PLOD1: variants seen among roughly 807,000 people sequenced by gnomAD.
PLOD1 encodes lysine hydroxylase.
In PLOD1, 70 loss-of-function variants were observed where a neutral mutation model predicts 94.7. The observed-to-expected ratio is 0.74, with a 90% CI of 0.61 to 0.90. The LOEUF (loss-of-function observed/expected upper bound fraction) is 0.90, where lower values mean the gene tolerates loss of function less well. Among genes scored for constraint, PLOD1 ranks in the 40% least tolerant of loss-of-function variants. The pLI is 0.00. For synonymous variants in PLOD1, 417 were observed against 400.2 expected, an observed-to-expected ratio of 1.04 and a Z score of -0.50; for missense variants, 905 against 972.7, an observed-to-expected ratio of 0.93 and a Z score of 0.93.
At chr1:11,954,198 G>A (rs1483087088) in intron 5 of PLOD1, 5 of 149,132 alleles carry the variant, frequency 3.4e-5, no homozygotes, top group Non-Finnish European at 5.8e-5. Context: ...GGCCAGGTGC[G>A]GTGGCTCACA....
At chr1:11,949,022 T>TG (rs764467965) in intron 2 of PLOD1, among the ~76,000 whole-genome samples, 4 of 152,194 alleles carry the variant, frequency 2.6e-5, no homozygotes, top group African/African-American at 7.2e-5. Context: ...GCTTCAGGCA[T>TG]GGCTGGATCC....
chr1:11,957,164 A>T lies in PLOD1; in HGVS notation c.741+150A>T, dbSNP rs1325961345. The T allele has an allele frequency of 9.1e-6, 7 of 767,810 alleles. No individual in the cohort carries two copies. Among genetic ancestry groups the T allele is most frequent in the Non-Finnish European group, 1.7e-5 (7 of 411,162 alleles). The allele number at this position is 767,810 out of a possible 1,614,324, so 47.6% of individuals were successfully genotyped here. On this transcript the variant is annotated intron_variant, in intron 7 of 18. Coordinates refer to ENST00000196061, the MANE Select transcript of PLOD1 (RefSeq NM_000302.4). The surrounding 1 kb of genome is among the most constrained non-coding windows in gnomAD (Gnocchi z 4.1). ...TGCCTCTGTCCTCACATCTGAGCTC[A>T]GCGTGATGCCTTCTTTTCCTGCTGT...
intron 5 of PLOD1, among the ~76,000 whole-genome samples, chr1:11,953,137 C>T (rs1452314880): frequency 6.6e-6 from 1 of 152,010 alleles, no homozygotes; most frequent in Non-Finnish European, 1.5e-5. Context: ...CTCACTACAG[C>T]CTCTACCTCC....
rs563861250 is a variant in PLOD1, at chr1:11,956,910, C to T, written c.644-7C>T. 1.2e-6 allele frequency: 2 copies of T among 1,603,258 alleles called. No homozygotes were observed. Among genetic ancestry groups the T allele is most frequent in the African/African-American group, 1.3e-5 (1 of 74,800 alleles). On this transcript the variant is annotated splice_polypyrimidine_tract_variant and splice_region_variant and intron_variant, in intron 6 of 18. Coordinates refer to ENST00000196061, the MANE Select transcript of PLOD1 (RefSeq NM_000302.4). ...TGCTGGGTGGGACTGTGCTTTCTGA[C>T]CCCCAGATGAGGTCGTGCTCAAGTT... is the stretch of plus-strand genomic sequence containing the variant.
intron 3 of PLOD1, among the ~76,000 whole-genome samples, 166 bp from the exon 4 acceptor site, chr1:11,950,191 G>A (rs1645689313): frequency 6.6e-6 from 1 of 152,208 alleles, no homozygotes; most frequent in Non-Finnish European, 1.5e-5. Context: ...AACATGGCAG[G>A]CAGGGCTGCA....
chr1:11,974,258 G>A (rs776595759), intron 18 of PLOD1, among the ~76,000 whole-genome samples: 13 of 151,800 alleles, frequency 8.6e-5, no homozygotes, highest in Non-Finnish European at 1.3e-4. Flanking sequence ...ACAGTGGCGC[G>A]ATCTCGGCTC....
At position 11,965,563 on chromosome 1, in the gene PLOD1, C is replaced by T. The variant is rs759491848; in HGVS notation, c.1554C>T (p.Asn518=). 32 of 1,613,100 alleles carry T rather than the reference C, an allele frequency of 2.0e-5. 1 individual carries two copies. The highest frequency in any genetic ancestry group is 3.3e-4 in the Middle Eastern group (2 of 6,082). The part of the protein sequence containing the change: ...LDSYRTTHLH[N]DLWEVFSNPE... ...GCTACCGCACCACCCACCTGCACAACGACCTCTGGGAGGTGTTCAGCAACC... is the reference window on the plus strand; with the variant it reads ...GCTACCGCACCACCCACCTGCACAATGACCTCTGGGAGGTGTTCAGCAACC... The change falls in exon 14 of 19, where the codon AAC becomes AAT. Residue 518 remains asparagine (N), a synonymous_variant. Coordinates refer to ENST00000196061, the MANE Select transcript of PLOD1 (RefSeq NM_000302.4).
chr1:11,961,071 A>G (rs1199152066), intron 10 of PLOD1, among the ~76,000 whole-genome samples: 1 of 151,588 alleles, frequency 6.6e-6, no homozygotes, highest in African/African-American at 2.4e-5. Context: ...CCAACCTTGA[A>G]TGTTTTACTT....
At chr1:11,956,834 C>T in intron 6 of PLOD1, 83 bp from the exon 7 acceptor site, 1 of 861,082 alleles carries the variant, frequency 1.2e-6, no homozygotes, top group Non-Finnish European at 2.0e-6. Context: ...CACTGCACAG[C>T]TGGGATTTGA....
Position 11,963,516 on chromosome 1 carries a change from GTCC to G in PLOD1, c.1098-8_1098-6del, listed in dbSNP as rs772509221. The G allele has an allele frequency of 6.4e-6, 10 of 1,552,944 alleles. 1 individual carries two copies. The highest frequency in any genetic ancestry group is 4.7e-5 in the South Asian group (4 of 85,776). On this transcript the variant is annotated splice_polypyrimidine_tract_variant and intron_variant, in intron 10 of 18. Coordinates refer to ENST00000196061, the MANE Select transcript of PLOD1 (RefSeq NM_000302.4). The surrounding 1 kb of genome is among the most constrained non-coding windows in gnomAD (Gnocchi z 4.3). ...CCAGGATCAGGTGCACTGACCCTGT[GTCC>G]TCCTCCTTGCAGAGACCTGTGCCGG...
Position 11,974,896 on chromosome 1 carries a change from C to G in PLOD1, c.*88C>G, listed in dbSNP as rs1200888422. 23 of 1,279,754 alleles carry G rather than the reference C, an allele frequency of 1.8e-5. No homozygotes were observed. Among genetic ancestry groups the G allele is most frequent in the Non-Finnish European group, 2.6e-5 (23 of 875,488 alleles). The allele number at this position is 1,279,754 out of a possible 1,614,324, so 79.3% of individuals were successfully genotyped here. On this transcript the variant is annotated 3_prime_UTR_variant, in exon 19 of 19. Coordinates refer to ENST00000196061, the MANE Select transcript of PLOD1 (RefSeq NM_000302.4). ...TGGGACCTCGGGGTCCCAGGGAACC[C>G]AGTCCAGCCTCCTGGCTGTTGACTT... is the stretch of plus-strand genomic sequence containing the variant.
In PLOD1 at chr1:11,949,805, G is replaced by A; in HGVS notation, c.201G>A (p.Glu67=). 1 of 1,613,934 alleles carries A rather than the reference G, an allele frequency of 6.2e-7. No homozygotes were observed. The highest frequency in any genetic ancestry group is 2.2e-5 in the East Asian group (1 of 44,888). ...ALGLGEDWNV[E]KGTSAGGGQK... is the part of the protein sequence containing the mutation. The stretch of plus-strand genomic sequence containing the variant: ...GCCTAGGGGAGGACTGGAATGTGGA[G>A]AAGGGGACGTCGGCAGGTGGAGGGC... The change falls in exon 3 of 19, where the codon GAG becomes GAA. Residue 67 remains glutamate (E), a synonymous_variant. Coordinates refer to ENST00000196061, the MANE Select transcript of PLOD1 (RefSeq NM_000302.4).
intron 9 of PLOD1, 68 bp from the exon 10 acceptor site, chr1:11,960,578 A>G (rs1022711900): frequency 2.7e-6 from 3 of 1,128,862 alleles, no homozygotes; most frequent in Non-Finnish European, 4.0e-6. Context: ...AGGAGGTGCT[A>G]CAGTCCCTGG....
At chr1:11,939,956 G>A (rs1206206569) in intron 1 of PLOD1, among the ~76,000 whole-genome samples, 1 of 152,000 alleles carries the variant, frequency 6.6e-6, no homozygotes, top group Non-Finnish European at 1.5e-5. Flanking sequence ...TACAGACAGG[G>A]TCTCACTGTG....
chr1:11,974,719 A>C lies in PLOD1; in HGVS notation c.2095A>C (p.Met699Leu), dbSNP rs142916043. 1.9e-6 allele frequency: 3 copies of C among 1,613,874 alleles called. No homozygotes were observed. Among genetic ancestry groups the C allele is most frequent in the Non-Finnish European group, 2.5e-6 (3 of 1,179,860 alleles). Residue 699 changes from methionine (M) to leucine (L), a missense_variant, in exon 19 of 19, where the codon ATG becomes CTG. Transcript: ENST00000196061. Reference sequence around the variant, plus strand: ...AGCCCCAAGGAAGGGCTGGACCCTCATGCACCCTGGACGACTCACGCATTA... The same window carrying C: ...AGCCCCAAGGAAGGGCTGGACCCTCCTGCACCCTGGACGACTCACGCATTA... ...IRAPRKGWTL[M>L]HPGRLTHYHE...
At chr1:11,948,125 C>T (rs1272625025) in intron 2 of PLOD1, 58 bp downstream of exon 2, 10 of 1,178,992 alleles carry the variant, frequency 8.5e-6, no homozygotes, top group Non-Finnish European at 1.1e-5. Flanking sequence ...GATCTAGGAG[C>T]TAGTGTCCTT....
Position 11,960,738 on chromosome 1 carries a change from G to A in PLOD1, c.1068G>A (p.Met356Ile). The change falls in exon 10 of 19, where the codon ATG becomes ATA. Residue 356 changes from methionine (M) to isoleucine (I), a missense_variant. By Grantham distance (10) the Met-to-Ile change is conservative (BLOSUM62 1). Transcript: ENST00000196061. The stretch of plus-strand genomic sequence containing the variant: ...AGCTGGTGGGCCCTGAGGTGCGGAT[G>A]GCGAATGCAGATGCCAGGAACATGG... ...SVKLVGPEVR[M>I]ANADARNMGA... 6.2e-7 allele frequency: 1 copy of A among 1,613,402 alleles called. No homozygotes were observed. The highest frequency in any genetic ancestry group is 8.5e-7 in the Non-Finnish European group (1 of 1,179,968).
At chr1:11,954,191 CAG>C in intron 5 of PLOD1, 1 of 147,166 alleles carries the variant, frequency 6.8e-6, no homozygotes, top group Non-Finnish European at 1.5e-5. Context: ...GAGTAGCGGC[CAG>C]GTGCGGTGGC....
intron 5 of PLOD1, chr1:11,954,320 A>AC (rs1645723230): frequency 3.1e-6 from 1 of 319,268 alleles, no homozygotes; most frequent in East Asian, 8.4e-5. Context: ...CAAAAAAAAA[A>AC]AAAAAAAAAA....
Sources: gnomAD v4.1 joint callset for allele counts (sites outside exome capture counted in the v4.1 genomes callset) on GRCh38, gnomAD v4.1.1 for gene constraint, Gnocchi (gnomAD v3.1) non-coding constraint, MANE v1.5 for transcripts, NCBI Gene and HGNC (gene_info 2026-07-23, HGNC 2026-07-21) for gene names.